The following DNAH11 variants were observed in gnomAD, a reference collection of about 807,000 sequenced individuals.
DNAH11 encodes axonemal beta dynein heavy chain 11.
DNAH11 carries 442 observed loss-of-function variants against 526.0 expected under a neutral mutation model. The observed-to-expected ratio is 0.84, with a 90% confidence interval of 0.78 to 0.91. DNAH11 has a LOEUF of 0.91. Among genes scored for constraint, DNAH11 ranks in the 40% least tolerant of loss-of-function variants. DNAH11 has a pLI of 0.00. For missense variants in DNAH11, 6,989 were observed against 5,448.7 expected (o/e 1.28, Z -8.90); for synonymous variants, 2,461 against 1,935.9 (o/e 1.27, Z -7.12).
intron 63 of DNAH11, among the ~76,000 whole-genome samples, chr7:21,815,020 G>A (rs1355634130): frequency 6.6e-6 from 1 of 152,018 alleles, no homozygotes; most frequent in Non-Finnish European, 1.5e-5. Context: ...ATTAAGATGG[G>A]TTTTATTTCT....
chr7:21,887,096 T>C, intron 76 of DNAH11, among the ~76,000 whole-genome samples: 1 of 152,216 alleles, frequency 6.6e-6, no homozygotes. Context: ...GGTTAACATA[T>C]TTGGAAATTA....
intron 25 of DNAH11, among the ~76,000 whole-genome samples, chr7:21,633,192 A>G (rs746047141): frequency 1.3e-5 from 2 of 152,162 alleles, no homozygotes; most frequent in African/African-American, 2.4e-5. Context: ...TCAAGATGAG[A>G]TTTGGGTGGG....
intron 25 of DNAH11, among the ~76,000 whole-genome samples, chr7:21,627,138 G>T (rs1386203585): frequency 6.6e-6 from 1 of 151,894 alleles, no homozygotes; most frequent in Non-Finnish European, 1.5e-5. Context: ...TTTGCCACTG[G>T]GTTGTTTGAA....
At chr7:21,778,550 T>G (rs1460541297) in intron 56 of DNAH11, among the ~76,000 whole-genome samples, 1 of 152,068 alleles carries the variant, frequency 6.6e-6, no homozygotes, top group East Asian at 1.9e-4. Flanking sequence ...CCAGCAACCT[T>G]CTGTTGGACA....
intron 30 of DNAH11, among the ~76,000 whole-genome samples, chr7:21,679,732 G>T (rs918112598): frequency 1.3e-5 from 2 of 152,142 alleles, no homozygotes; most frequent in African/African-American, 4.8e-5. Flanking sequence ...AGGCTGGAGA[G>T]GGTCTTTGTG....
At chr7:21,651,587 T>G (rs1781774449) in intron 28 of DNAH11, among the ~76,000 whole-genome samples, 1 of 152,190 alleles carries the variant, frequency 6.6e-6, no homozygotes, top group South Asian at 2.1e-4. Context: ...ACTGTATGCA[T>G]TTTAAATTAT....
chr7:21,617,125 G>A (rs921766202), intron 22 of DNAH11, among the ~76,000 whole-genome samples: 29 of 152,056 alleles, frequency 1.9e-4, no homozygotes, highest in Middle Eastern at 3.4e-3. Context: ...TTTTTCCTTG[G>A]GCTGAGAGGA....
intron 35 of DNAH11, among the ~76,000 whole-genome samples, chr7:21,692,795 A>G (rs1390465303): frequency 3.3e-5 from 5 of 152,236 alleles, no homozygotes; most frequent in Non-Finnish European, 5.9e-5. Flanking sequence ...CCATCAATGC[A>G]TGAGAATTCT....
chr7:21,791,646 A>G (rs561718306), intron 61 of DNAH11, among the ~76,000 whole-genome samples: 1 of 152,310 alleles, frequency 6.6e-6, no homozygotes, highest in Admixed American at 6.5e-5. Flanking sequence ...TACATTAGCT[A>G]GAAGGGAGTA....
chr7:21,786,777 C>G lies in DNAH11; in HGVS notation c.9741+10C>G. 6.2e-7 allele frequency: 1 copy of G among 1,613,448 alleles called. No individual in the cohort carries two copies. The highest frequency in any genetic ancestry group is 8.5e-7 in the Non-Finnish European group (1 of 1,179,558). ...AGTCTTCATGGGAAAGGTATCAGCC[C>G]AGCCTGGCAAGATGAAAATCCTGAT... On this transcript the variant is annotated intron_variant, in intron 59 of 81. Transcript: ENST00000409508.
chr7:21,707,955 A>AAT, intron 40 of DNAH11, 120 bp downstream of exon 40: 1 of 1,020,652 alleles, frequency 9.8e-7, no homozygotes, highest in Non-Finnish European at 1.4e-6. Flanking sequence ...CATTATTGGA[A>AAT]ATATAGCAGA....
At chr7:21,659,624 A>G (rs986468655) in intron 30 of DNAH11, among the ~76,000 whole-genome samples, 41 of 152,162 alleles carry the variant, frequency 2.7e-4, no homozygotes, top group South Asian at 2.1e-4. Flanking sequence ...GAGTTTAAGT[A>G]TTAGTTTGTC....
chr7:21,612,554 CAAAAAAAAA>C (rs34356379), intron 20 of DNAH11, among the ~76,000 whole-genome samples: 13 of 81,240 alleles, frequency 1.6e-4, no homozygotes, highest in African/African-American at 3.6e-4. Context: ...GGCTCCGTCT[CAAAAAAAAA>C]AAAAAAAAAA....
At chr7:21,843,321 G>T (rs1018926986) in intron 66 of DNAH11, among the ~76,000 whole-genome samples, 2 of 152,014 alleles carry the variant, frequency 1.3e-5, no homozygotes, top group African/African-American at 2.4e-5. Context: ...AAATAAAAAA[G>T]CTAGTTCTTT....
chr7:21,608,523 T>G (rs2128449638), intron 20 of DNAH11, among the ~76,000 whole-genome samples: 1 of 152,340 alleles, frequency 6.6e-6, no homozygotes, highest in East Asian at 1.9e-4. Context: ...GAATTTAGAT[T>G]TAATTGCTTT....
intron 3 of DNAH11, among the ~76,000 whole-genome samples, chr7:21,559,324 A>G (rs1372421091): frequency 1.3e-5 from 2 of 152,232 alleles, no homozygotes; most frequent in Admixed American, 1.3e-4. Flanking sequence ...CAAATTATAC[A>G]AAAAGCAAAC....
intron 74 of DNAH11, among the ~76,000 whole-genome samples, chr7:21,875,773 C>G (rs1783681302): frequency 6.6e-6 from 1 of 151,852 alleles, no homozygotes. Context: ...CTGGTCTTTT[C>G]ATGAACCTGT....
intron 25 of DNAH11, among the ~76,000 whole-genome samples, chr7:21,629,541 T>C (rs539345897): frequency 1.3e-5 from 2 of 152,266 alleles, no homozygotes; most frequent in African/African-American, 4.8e-5. Context: ...GCAGCCTATC[T>C]TTCCCTTTAT....
At chr7:21,839,537 T>A (rs1782124483) in intron 65 of DNAH11, among the ~76,000 whole-genome samples, 1 of 150,232 alleles carries the variant, frequency 6.7e-6, no homozygotes, top group Non-Finnish European at 1.5e-5. Context: ...ATCACACCAC[T>A]GCACTCCAAC....
Sources: allele counts gnomAD v4.1 joint callset (sites outside exome capture counted in the v4.1 genomes callset), GRCh38; gene constraint gnomAD v4.1.1; transcripts MANE v1.5; gene names NCBI Gene and HGNC (gene_info 2026-07-23, HGNC 2026-07-21).